Variants in PLSCR4 observed in about 807,000 individuals in gnomAD.
PLSCR4 encodes the protein Ca(2+)-dependent phospholipid scramblase 4.
A neutral mutation model predicts 36.3 loss-of-function variants in PLSCR4; 25 were observed. The observed-to-expected ratio is 0.69, with a 90% confidence interval of 0.50 to 0.96. The LOEUF is 0.96. Ranked by LOEUF, PLSCR4 falls within the 40% of genes least tolerant of loss-of-function variation. The pLI, the probability that PLSCR4 is intolerant of heterozygous loss-of-function variation, is 0.00. For missense variants in PLSCR4, 408 were observed against 414.7 expected, an observed-to-expected ratio of 0.98 and a Z score of 0.14; for synonymous variants, 122 against 132.9, an observed-to-expected ratio of 0.92 and a Z score of 0.56.
In PLSCR4 at chr3:146,227,405, A is replaced by C. The variant is rs539099709; in HGVS notation, c.-21-5313T>G. Among the ~76,000 whole-genome samples, 3 of 152,238 alleles carry C rather than the reference A, an allele frequency of 2.0e-5. No homozygotes were observed. In the East Asian group the frequency reaches 5.8e-4, roughly 29 times the overall value. ...CTTGCAAGGCAGCCCTGTTATCTTA[A>C]ATTGCATCCTACAGCAAGAGTGCTG... On this transcript the variant is annotated intron_variant, in intron 1 of 8. Coordinates refer to ENST00000354952, the MANE Select transcript of PLSCR4 (RefSeq NM_020353.3).
intron 3 of PLSCR4, among the ~76,000 whole-genome samples, chr3:146,208,176 G>A (rs1289042913): frequency 6.6e-6 from 1 of 152,008 alleles, no homozygotes; most frequent in East Asian, 1.9e-4. Flanking sequence ...ACACAAAGTG[G>A]GGAAAGGACA....
intron 1 of PLSCR4, among the ~76,000 whole-genome samples, chr3:146,223,266 ATTAT>A (rs1426377651): frequency 6.6e-6 from 1 of 152,192 alleles, no homozygotes; most frequent in Non-Finnish European, 1.5e-5. Flanking sequence ...AAAAAAGGCT[ATTAT>A]TTGAGAAGGG....
chr3:146,234,174 A>C (rs1344361680), intron 1 of PLSCR4, among the ~76,000 whole-genome samples: 1 of 152,132 alleles, frequency 6.6e-6, no homozygotes, highest in African/African-American at 2.4e-5. Flanking sequence ...AAGACCAGAA[A>C]AAGTACAATC....
intron 4 of PLSCR4, among the ~76,000 whole-genome samples, chr3:146,205,206 C>T (rs1051520011): frequency 3.3e-5 from 5 of 151,950 alleles, no homozygotes; most frequent in African/African-American, 1.2e-4. Context: ...TCAGAAGGTT[C>T]TATGGAATCT....
In PLSCR4 at chr3:146,214,350, C is replaced by G. The variant is rs149525596; in HGVS notation, c.118+6465G>C. Among the ~76,000 whole-genome samples the G allele has an allele frequency of 1.6e-4, 13 of 81,282 alleles. 5 individuals carry two copies. The East Asian group carries it at 4.1e-3, about 25-fold the overall frequency. The allele number at this position is 81,282 out of a possible 152,430, so 53.3% of individuals were successfully genotyped here. ...TTTTTAGCCGGGATGGTCTCGATCT[C>G]CTGACCTCGTGATCCGCCCGCCTTG... On this transcript the variant is annotated intron_variant, in intron 3 of 8. Coordinates refer to ENST00000354952, the MANE Select transcript of PLSCR4 (RefSeq NM_020353.3).
intron 1 of PLSCR4, among the ~76,000 whole-genome samples, chr3:146,228,343 T>TC: frequency 6.6e-6 from 1 of 152,296 alleles, no homozygotes; most frequent in East Asian, 1.9e-4. Flanking sequence ...TTACTGAGCA[T>TC]CCATATGTAA....
chr3:146,240,054 T>G (rs1451315734), intron 1 of PLSCR4, among the ~76,000 whole-genome samples: 1 of 151,976 alleles, frequency 6.6e-6, no homozygotes, highest in African/African-American at 2.4e-5. Flanking sequence ...TCATAAAAAT[T>G]TAAAAGGTTT....
intron 1 of PLSCR4, among the ~76,000 whole-genome samples, chr3:146,240,523 T>A (rs1418925512): frequency 1.3e-5 from 2 of 152,194 alleles, no homozygotes; most frequent in African/African-American, 4.8e-5. Flanking sequence ...GAGGATTTCT[T>A]GAGACCAGGA....
chr3:146,243,181 A>G (rs1182174652), intron 1 of PLSCR4, among the ~76,000 whole-genome samples: 1 of 152,068 alleles, frequency 6.6e-6, no homozygotes, highest in Non-Finnish European at 1.5e-5. Flanking sequence ...CTCTCAATTG[A>G]CTGAAACCCC....
intron 5 of PLSCR4, among the ~76,000 whole-genome samples, chr3:146,200,241 T>G (rs919936914): frequency 6.6e-6 from 1 of 152,118 alleles, no homozygotes; most frequent in East Asian, 1.9e-4. Flanking sequence ...ACATTTCTTT[T>G]AAGAAGTTCA....
At chr3:146,238,765 C>T (rs567619594) in intron 1 of PLSCR4, among the ~76,000 whole-genome samples, 8 of 151,952 alleles carry the variant, frequency 5.3e-5, no homozygotes, top group African/African-American at 1.9e-4. Flanking sequence ...TATTTCTTTT[C>T]AACATTGTAC....
chr3:146,239,757 C>G (rs371035598), intron 1 of PLSCR4, among the ~76,000 whole-genome samples: 3 of 152,204 alleles, frequency 2.0e-5, no homozygotes, highest in South Asian at 4.1e-4. Context: ...GTGGCACATG[C>G]CTGTAATCCC....
Position 146,194,214 on chromosome 3 carries a change from TAG to T in PLSCR4, c.*195_*196del, listed in dbSNP as rs2108192230. The T allele has an allele frequency of 1.8e-6, 1 of 566,120 alleles. No homozygotes were observed. Among genetic ancestry groups the T allele is most frequent in the East Asian group, 2.9e-5 (1 of 34,730 alleles). The allele number at this position is 566,120 out of a possible 1,614,324, so 35.1% of individuals were successfully genotyped here. A position where few individuals can be genotyped will look rare whatever the true frequency, so the allele number is the denominator to read the frequency against. On this transcript the variant is annotated 3_prime_UTR_variant, in exon 9 of 9. Coordinates refer to ENST00000354952, the MANE Select transcript of PLSCR4 (RefSeq NM_020353.3). Reference sequence around the variant, plus strand: ...TTTTCAGGATGAACTCCTATTCTACTAGAGAGATACTCAATTGAAACACACTT... The same window carrying T: ...TTTTCAGGATGAACTCCTATTCTACTAGAGATACTCAATTGAAACACACTT...
intron 1 of PLSCR4, among the ~76,000 whole-genome samples, chr3:146,223,071 G>A (rs897183368): frequency 1.1e-4 from 16 of 145,594 alleles, no homozygotes; most frequent in African/African-American, 3.6e-4. Flanking sequence ...GGATGGAGGA[G>A]GGTAAGAATT....
intron 7 of PLSCR4, 192 bp downstream of exon 7, chr3:146,196,440 G>A (rs965012136): frequency 3.6e-6 from 2 of 548,732 alleles, no homozygotes; most frequent in Admixed American, 6.1e-5. Context: ...CATAAAAAAA[G>A]CTTTCATTTT....
chr3:146,221,611 T>C (rs932473095), intron 2 of PLSCR4, among the ~76,000 whole-genome samples: 1 of 152,182 alleles, frequency 6.6e-6, no homozygotes, highest in Non-Finnish European at 1.5e-5. Context: ...AAACAACCAG[T>C]TGACTTTTAT....
chr3:146,199,694 C>A (rs1366827357), intron 6 of PLSCR4, 119 bp downstream of exon 6: 2 of 823,866 alleles, frequency 2.4e-6, no homozygotes, highest in Non-Finnish European at 3.9e-6. Context: ...TCCCCACTAT[C>A]TTCTTCCATT....
chr3:146,221,658 C>G (rs1185523651), intron 2 of PLSCR4, among the ~76,000 whole-genome samples: 1 of 152,168 alleles, frequency 6.6e-6, no homozygotes, highest in Non-Finnish European at 1.5e-5. Flanking sequence ...TGTGGTTTTT[C>G]TCTCTTTATG....
chr3:146,243,314 C>G (rs2036223474), intron 1 of PLSCR4, among the ~76,000 whole-genome samples: 1 of 151,918 alleles, frequency 6.6e-6, no homozygotes, highest in Non-Finnish European at 1.5e-5. Context: ...ACATCTCTTT[C>G]TTATCATCAT....
Sources: gnomAD v4.1 joint callset for allele counts (sites outside exome capture counted in the v4.1 genomes callset) on GRCh38, gnomAD v4.1.1 for gene constraint, MANE v1.5 for transcripts, NCBI Gene and HGNC (gene_info 2026-07-23, HGNC 2026-07-21) for gene names.